Variants in KLHL1 observed in about 807,000 individuals in gnomAD.
KLHL1 encodes kelch-like protein 1.
A neutral mutation model predicts 77.7 loss-of-function variants in KLHL1; 47 were observed. That is an observed-to-expected ratio of 0.60 (90% confidence interval 0.48 to 0.77). The LOEUF is 0.77. Ranked by LOEUF, KLHL1 falls within the 30% of genes least tolerant of loss-of-function variation. The pLI, the probability that KLHL1 is intolerant of heterozygous loss-of-function variation, is 0.00. For synonymous variants in KLHL1, 360 were observed against 325.2 expected (o/e 1.11, Z -1.15); for missense variants, 925 against 910.8 (o/e 1.02, Z -0.20).
chr13:69,967,666 C>G (rs1884253954), intron 2 of KLHL1, among the ~76,000 whole-genome samples: 1 of 152,118 alleles, frequency 6.6e-6, no homozygotes, highest in African/African-American at 2.4e-5. Context: ...TGGTGGATCA[C>G]TTGAGGCCAG....
chr13:69,914,817 A>C (rs959166979), intron 4 of KLHL1, among the ~76,000 whole-genome samples: 2 of 152,154 alleles, frequency 1.3e-5, no homozygotes, highest in African/African-American at 4.8e-5. Flanking sequence ...TTAGGATAGG[A>C]ATTCTTAATC....
At chr13:69,898,928 C>T (rs544263033) in intron 4 of KLHL1, among the ~76,000 whole-genome samples, 19 of 152,058 alleles carry the variant, frequency 1.2e-4, no homozygotes, top group South Asian at 2.1e-4. Flanking sequence ...GTGCTAGAGA[C>T]ATCTGACATG....
chr13:69,825,155 A>G (rs1878495162), intron 6 of KLHL1, among the ~76,000 whole-genome samples: 2 of 152,116 alleles, frequency 1.3e-5, no homozygotes, highest in East Asian at 1.9e-4. Context: ...CTATAATAAT[A>G]TGTTGATAAA....
intron 1 of KLHL1, among the ~76,000 whole-genome samples, chr13:69,998,248 A>C (rs973711876): frequency 3.3e-5 from 5 of 152,134 alleles, no homozygotes; most frequent in African/African-American, 1.2e-4. Context: ...CTTTGGCATT[A>C]GGAGGCAGAA....
chr13:69,850,943 C>T (rs1879660168), intron 5 of KLHL1, among the ~76,000 whole-genome samples: 2 of 151,424 alleles, frequency 1.3e-5, no homozygotes, highest in South Asian at 4.1e-4. Context: ...CTAGTTTTAC[C>T]CTGTGTTTCT....
chr13:69,769,810 C>T (rs945688491), intron 7 of KLHL1, among the ~76,000 whole-genome samples: 6 of 152,018 alleles, frequency 3.9e-5, no homozygotes, highest in Non-Finnish European at 7.3e-5. Context: ...GCTCACTCTC[C>T]GGTATTCACG....
At chr13:69,917,798 A>T (rs1300160465) in intron 4 of KLHL1, among the ~76,000 whole-genome samples, 1 of 152,080 alleles carries the variant, frequency 6.6e-6, no homozygotes, top group Admixed American at 6.6e-5. Flanking sequence ...TATCTTTTGA[A>T]GTCAGTAAAT....
chr13:69,782,422 G>A (rs140725751), intron 7 of KLHL1, among the ~76,000 whole-genome samples: 1 of 152,304 alleles, frequency 6.6e-6, no homozygotes, highest in South Asian at 2.1e-4. Flanking sequence ...TCAAAGAAAG[G>A]GGTGACAGAC....
intron 4 of KLHL1, among the ~76,000 whole-genome samples, chr13:69,939,641 G>A (rs114790240): frequency 0.01 from 1,562 of 152,030 alleles, 25 homozygotes; most frequent in African/African-American, 0.035. Flanking sequence ...TGCCTGTTAA[G>A]TGTGCATAAA....
chr13:70,062,900 A>AT (rs35807908), intron 1 of KLHL1, among the ~76,000 whole-genome samples: 1 of 152,212 alleles, frequency 6.6e-6, no homozygotes, highest in East Asian at 1.9e-4. Context: ...TTTTCAGTCA[A>AT]TTTTTTTCAT....
intron 8 of KLHL1, among the ~76,000 whole-genome samples, chr13:69,733,615 A>G (rs142343108): frequency 2.0e-3 from 306 of 152,354 alleles, no homozygotes; most frequent in African/African-American, 6.5e-3. Context: ...AAGATGTTTG[A>G]TCACATCAGT....
chr13:70,050,567 T>C (rs1461024658), intron 1 of KLHL1, among the ~76,000 whole-genome samples: 1 of 151,956 alleles, frequency 6.6e-6, no homozygotes, highest in East Asian at 1.9e-4. Context: ...TGTGTCATAA[T>C]TTGTATTCAT....
At chr13:69,906,966 C>T (rs1353859512) in intron 4 of KLHL1, among the ~76,000 whole-genome samples, 1 of 151,960 alleles carries the variant, frequency 6.6e-6, no homozygotes, top group Non-Finnish European at 1.5e-5. Flanking sequence ...AATGAGTTCT[C>T]ACTTTTCTGA....
At chr13:69,886,158 C>T (rs1429503365) in intron 4 of KLHL1, among the ~76,000 whole-genome samples, 1 of 152,014 alleles carries the variant, frequency 6.6e-6, no homozygotes, top group Non-Finnish European at 1.5e-5. Context: ...CATGAACACA[C>T]ACATACATAC....
intron 7 of KLHL1, among the ~76,000 whole-genome samples, chr13:69,764,147 A>G (rs74726198): frequency 0.082 from 12,459 of 152,228 alleles, 577 homozygotes; most frequent in Non-Finnish European, 0.1. Context: ...GCATATTTTA[A>G]GTTTGCCCTA....
At chr13:69,880,007 C>A (rs555935341) in intron 5 of KLHL1, among the ~76,000 whole-genome samples, 29 of 152,116 alleles carry the variant, frequency 1.9e-4, no homozygotes, top group Non-Finnish European at 3.8e-4. Flanking sequence ...TTTAAAAGAA[C>A]CTTCAAAATT....
Position 69,860,971 on chromosome 13 carries a change from C to A in KLHL1, c.1227+21312G>T, listed in dbSNP as rs142641918. Among the ~76,000 whole-genome samples, 1,161 of 151,980 alleles carry A rather than the reference C, an allele frequency of 7.6e-3. 11 individuals are homozygous for A. The highest frequency in any genetic ancestry group is 0.026 in the African/African-American group (1,087 of 41,504). On this transcript the variant is annotated intron_variant, in intron 5 of 10. Coordinates refer to ENST00000377844, the MANE Select transcript of KLHL1 (RefSeq NM_020866.3). Reference sequence around the variant, plus strand: ...TAGGGGTGTTGTTTATAAAAATAATCAATTAATTATACCTCCTGTATGACA... The same window carrying A: ...TAGGGGTGTTGTTTATAAAAATAATAAATTAATTATACCTCCTGTATGACA...
intron 7 of KLHL1, among the ~76,000 whole-genome samples, chr13:69,758,816 A>C (rs893371849): frequency 8.5e-5 from 13 of 152,292 alleles, no homozygotes; most frequent in African/African-American, 3.1e-4. Context: ...GTACATAATA[A>C]ACCTAAACTA....
chr13:69,863,157 T>C lies in KLHL1; in HGVS notation c.1227+19126A>G, dbSNP rs563927803. On this transcript the variant is annotated intron_variant, in intron 5 of 10. Coordinates refer to ENST00000377844, the MANE Select transcript of KLHL1 (RefSeq NM_020866.3). ...GTAATTCTCAGTACTTAGTCTTATGTAGTTGTATTGGCATTTTGTATATGT... is the reference window on the plus strand; with the variant it reads ...GTAATTCTCAGTACTTAGTCTTATGCAGTTGTATTGGCATTTTGTATATGT... 3.9e-5 allele frequency among the ~76,000 whole-genome samples: 6 copies of C among 152,264 alleles called. No homozygotes were observed. In the East Asian group the frequency reaches 1.2e-3, roughly 29 times the overall value.
Sources: gnomAD v4.1 joint callset for allele counts (sites outside exome capture counted in the v4.1 genomes callset) on GRCh38, gnomAD v4.1.1 for gene constraint, MANE v1.5 for transcripts, NCBI Gene and HGNC (gene_info 2026-07-23, HGNC 2026-07-21) for gene names.